Variants in AMPD3 observed in about 807,000 individuals in gnomAD.
AMPD3 encodes AMP deaminase 3.
Under a neutral mutation model 82.3 loss-of-function variants are expected in AMPD3, and 57 were observed. The observed-to-expected ratio is 0.69, with a 90% CI of 0.56 to 0.86. The LOEUF (loss-of-function observed/expected upper bound fraction) is 0.86. Among genes scored for constraint, AMPD3 ranks in the 40% least tolerant of loss-of-function variants. The pLI, the probability that AMPD3 is intolerant of heterozygous loss-of-function variation, is 0.00. For missense variants in AMPD3, 870 were observed against 1,003.8 expected, an observed-to-expected ratio of 0.87 and a Z score of 1.80; for synonymous variants, 381 against 394.7, an observed-to-expected ratio of 0.97 and a Z score of 0.41.
chr11:10,452,114 T>G (rs1189599860), upstream of AMPD3, among the ~76,000 whole-genome samples: 1 of 152,176 alleles, frequency 6.6e-6, no homozygotes, highest in Admixed American at 6.5e-5. Flanking sequence ...GCTCAGCCTC[T>G]GTCTTCTAAG....
At chr11:10,489,313 G>A (rs1849172631) in intron 6 of AMPD3, among the ~76,000 whole-genome samples, 3 of 152,270 alleles carry the variant, frequency 2.0e-5, no homozygotes, top group Admixed American at 2.0e-4. Context: ...CTGAGCATAC[G>A]TGAATGCTCT....
chr11:10,494,463 A>G, intron 7 of AMPD3: 2 of 742,266 alleles, frequency 2.7e-6, no homozygotes, highest in Non-Finnish European at 3.3e-6. Context: ...GTATGGTTAA[A>G]AATGGTTGAA....
Position 10,487,469 on chromosome 11 carries a change from C to T in AMPD3, c.939+105C>T, listed in dbSNP as rs968517984. ...CTTGTCCCCTGTGAGAACTTCAGGGCTCCTTGCTAAGGGCGGCCTTCGTGG... is the reference window on the plus strand; with the variant it reads ...CTTGTCCCCTGTGAGAACTTCAGGGTTCCTTGCTAAGGGCGGCCTTCGTGG... On this transcript the variant is annotated intron_variant, in intron 6 of 14. Coordinates refer to ENST00000396553, the MANE Select transcript of AMPD3 (RefSeq NM_001025389.2). 27 of 1,540,732 alleles carry T rather than the reference C, an allele frequency of 1.8e-5. No homozygotes were observed. The Admixed American group carries it at 4.4e-4, about 25-fold the overall frequency.
intron 6 of AMPD3, chr11:10,490,423 G>T: frequency 1.1e-6 from 1 of 935,734 alleles, no homozygotes; most frequent in Non-Finnish European, 1.3e-6. Flanking sequence ...AGAGTGCTGT[G>T]TTCGATTATT....
At chr11:10,498,972 G>A (rs1050445474) in intron 10 of AMPD3, among the ~76,000 whole-genome samples, 8 of 152,218 alleles carry the variant, frequency 5.3e-5, no homozygotes, top group African/African-American at 1.4e-4. Context: ...CCCAGCCAAG[G>A]TAGAACTGCA....
chr11:10,506,900 T>TGC lies in AMPD3; in HGVS notation c.*1017_*1018insCG, dbSNP rs1849726813. The TGC allele has an allele frequency of 2.0e-5, 3 of 152,226 alleles. No individual in the cohort carries two copies. The highest frequency in any genetic ancestry group is 7.2e-5 in the African/African-American group (3 of 41,444). The allele number at this position is 152,226 out of a possible 1,614,324, so 9.4% of individuals were successfully genotyped here. A position where few individuals can be genotyped will look rare whatever the true frequency, so the allele number is the denominator to read the frequency against. On this transcript the variant is annotated 3_prime_UTR_variant, in exon 15 of 15. Transcript: ENST00000396553. This position sits in a 1 kb window ranked among gnomAD's most constrained non-coding sequence, Gnocchi z 4.1. ...TTAGACCCCACAAATGTTAGTTGTG[T>TGC]GTGTGTGTGTGTGTGTTTTTAATCA...
intron 2 of AMPD3, among the ~76,000 whole-genome samples, chr11:10,464,630 T>A (rs1171015682): frequency 2.6e-5 from 4 of 152,166 alleles, no homozygotes; most frequent in Non-Finnish European, 5.9e-5. Flanking sequence ...AAAAGCTTGG[T>A]CCCTGGACTG....
chr11:10,455,166 A>G, upstream of AMPD3: 1 of 985,404 alleles, frequency 1.0e-6, no homozygotes, highest in Non-Finnish European at 1.2e-6. Flanking sequence ...GGATTTCAAC[A>G]GCACCACAGA....
At chr11:10,450,409 C>A, upstream of AMPD3, 1 of 984,652 alleles carries the variant, frequency 1.0e-6, no homozygotes, top group Non-Finnish European at 1.2e-6. Context: ...TGGAAGAAAC[C>A]AATGCTTGCG....
intron 2 of AMPD3, among the ~76,000 whole-genome samples, chr11:10,464,640 G>A (rs7944154): frequency 0.58 from 88,177 of 152,090 alleles, 26,319 homozygotes; most frequent in East Asian, 0.8. Flanking sequence ...TCCCTGGACT[G>A]TCAGATGCCC....
At chr11:10,479,345 A>G (rs949080282) in intron 3 of AMPD3, among the ~76,000 whole-genome samples, 2 of 152,228 alleles carry the variant, frequency 1.3e-5, no homozygotes, top group Non-Finnish European at 2.9e-5. Context: ...AGTTAGTGCC[A>G]GGGTTAAGTT....
Position 10,495,611 on chromosome 11 carries a change from A to G in AMPD3, c.1308A>G (p.Ser436=), listed in dbSNP as rs766931231. The change falls in exon 9 of 15, where the codon TCA becomes TCG. Residue 436 remains serine (S), a synonymous_variant. Coordinates refer to ENST00000396553, the MANE Select transcript of AMPD3 (RefSeq NM_001025389.2). The part of the protein sequence containing the change: ...RELEESKYQY[S]EPRLSIYGRS... ...TGGAGGAGAGCAAGTACCAGTACTC[A>G]GAGCCACGGCTCTCCATCTACGGCC... 6.8e-6 allele frequency: 11 copies of G among 1,613,572 alleles called. No individual in the cohort carries two copies. In the South Asian group the frequency reaches 9.9e-5, roughly 14 times the overall value.
At chr11:10,459,832 C>A (rs1024702600) in intron 1 of AMPD3, among the ~76,000 whole-genome samples, 1 of 151,836 alleles carries the variant, frequency 6.6e-6, no homozygotes, top group Non-Finnish European at 1.5e-5. Context: ...GGGTTCAGAT[C>A]CCTGAGCTGA....
At chr11:10,451,017 G>A, upstream of AMPD3, 1 of 1,581,466 alleles carries the variant, frequency 6.3e-7, no homozygotes, top group Non-Finnish European at 8.5e-7. Flanking sequence ...CTTTCGGCCG[G>A]CGGCATGGCC....
At chr11:10,495,384 G>A in intron 8 of AMPD3, 186 bp from the exon 9 acceptor site, 1 of 984,914 alleles carries the variant, frequency 1.0e-6, no homozygotes. Context: ...TTCCTCACCA[G>A]AGGGGGCCTC....
intron 6 of AMPD3, among the ~76,000 whole-genome samples, chr11:10,488,683 G>A (rs993041568): frequency 6.6e-6 from 1 of 152,156 alleles, no homozygotes; most frequent in Non-Finnish European, 1.5e-5. Context: ...GAAGCTCCTG[G>A]GGGAAGAGTC....
At chr11:10,450,526 G>A (rs2133794900), upstream of AMPD3, 1 of 986,186 alleles carries the variant, frequency 1.0e-6, no homozygotes, top group South Asian at 4.7e-5. Context: ...GCAAGCCCGG[G>A]CGGCACGGGG....
At chr11:10,450,892 GCGC>G, upstream of AMPD3, 1 of 1,231,244 alleles carries the variant, frequency 8.1e-7, no homozygotes, top group Non-Finnish European at 1.0e-6. Flanking sequence ...CCCGGCCCCC[GCGC>G]CTGCTGCGGG....
At chr11:10,453,669 A>G (rs1291373061), upstream of AMPD3, among the ~76,000 whole-genome samples, 1 of 151,866 alleles carries the variant, frequency 6.6e-6, no homozygotes, top group African/African-American at 2.4e-5. Flanking sequence ...GCTCACTGCA[A>G]CTTCTGCCTC....
Sources: allele counts gnomAD v4.1 joint callset (sites outside exome capture counted in the v4.1 genomes callset), GRCh38; gene constraint gnomAD v4.1.1; non-coding constraint Gnocchi (gnomAD v3.1); transcripts MANE v1.5; gene names NCBI Gene and HGNC (gene_info 2026-07-23, HGNC 2026-07-21).